IL5RA: variants seen among roughly 807,000 people sequenced by gnomAD.
IL5RA encodes the protein interleukin 5 receptor subunit alpha, also known as interleukin-5 receptor subunit alpha.
A neutral mutation model predicts 50.0 loss-of-function variants in IL5RA; 49 were observed. The observed-to-expected ratio is 0.98, with a 90% CI of 0.78 to 1.24. IL5RA has a LOEUF of 1.24. IL5RA is among the 50% of genes most tolerant of loss of function. The pLI, the probability that IL5RA is intolerant of heterozygous loss-of-function variation, is 0.00. For missense variants in IL5RA, 600 were observed against 500.4 expected (o/e 1.20, Z -1.90); for synonymous variants, 202 against 174.0 (o/e 1.16, Z -1.26).
In IL5RA at chr3:3,092,030, C is replaced by A; in HGVS notation, c.994+194G>T. Reference sequence around the variant, plus strand: ...AGGAGAGTTGGCGCTAATGAGAAGCCTAGACACTTAAAAACTTCACTGGCT... The same window carrying A: ...AGGAGAGTTGGCGCTAATGAGAAGCATAGACACTTAAAAACTTCACTGGCT... On this transcript the variant is annotated intron_variant, in intron 9 of 11. Coordinates refer to ENST00000446632, the MANE Select transcript of IL5RA (RefSeq NM_175726.4). The surrounding 1 kb of genome is among the most constrained non-coding windows in gnomAD (Gnocchi z 4.2). The A allele has an allele frequency of 7.4e-7, 1 of 1,356,214 alleles. No homozygotes were observed. Among genetic ancestry groups the A allele is most frequent in the Non-Finnish European group, 9.4e-7 (1 of 1,058,400 alleles). The allele number at this position is 1,356,214 out of a possible 1,614,324, so 84.0% of individuals were successfully genotyped here. A position where few individuals can be genotyped will look rare whatever the true frequency, so the allele number is the denominator to read the frequency against.
At chr3:3,073,717 T>C in intron 11 of IL5RA, 1 of 429,740 alleles carries the variant, frequency 2.3e-6, no homozygotes, top group East Asian at 7.2e-5. Context: ...GGATGTCACT[T>C]TTCCCCAAAT....
intron 5 of IL5RA, among the ~76,000 whole-genome samples, 180 bp from the exon 6 acceptor site, chr3:3,098,470 C>G (rs565208010): frequency 1.6e-4 from 24 of 152,066 alleles, no homozygotes; most frequent in Non-Finnish European, 3.1e-4. Flanking sequence ...TGCAGTGTTG[C>G]GATCTTGGCT....
rs1341606421 is a variant in IL5RA, at chr3:3,092,444, T to A, written c.856-82A>T. On this transcript the variant is annotated intron_variant, in intron 8 of 11. Transcript: ENST00000446632. This position sits in a 1 kb window ranked among gnomAD's most constrained non-coding sequence, Gnocchi z 4.2. The stretch of plus-strand genomic sequence containing the variant: ...GATTATCAGAATGGGAGGTCCTATA[T>A]AGGTCATGTGACTCACTGTTCAGCA... 1 of 1,304,208 alleles carries A rather than the reference T, an allele frequency of 7.7e-7. No individual in the cohort carries two copies. The allele number at this position is 1,304,208 out of a possible 1,614,324, so 80.8% of individuals were successfully genotyped here.
intron 9 of IL5RA, among the ~76,000 whole-genome samples, chr3:3,083,450 C>G (rs115306471): frequency 6.6e-6 from 1 of 152,088 alleles, no homozygotes; most frequent in Non-Finnish European, 1.5e-5. Flanking sequence ...TGTGTGCATG[C>G]GTGTATTTGT....
At chr3:3,103,958 G>T (rs1400584172) in intron 3 of IL5RA, among the ~76,000 whole-genome samples, 1 of 152,194 alleles carries the variant, frequency 6.6e-6, no homozygotes, top group Non-Finnish European at 1.5e-5. Context: ...TTTACCACAT[G>T]AGGACTTTTA....
intron 9 of IL5RA, among the ~76,000 whole-genome samples, chr3:3,091,602 T>A (rs185878437): frequency 6.6e-6 from 1 of 152,094 alleles, no homozygotes; most frequent in Non-Finnish European, 1.5e-5. Context: ...CGTGGTGGCA[T>A]GTGCCTGCAG....
At chr3:3,097,593 A>G (rs1185913928) in intron 7 of IL5RA, among the ~76,000 whole-genome samples, 2 of 152,232 alleles carry the variant, frequency 1.3e-5, no homozygotes, top group East Asian at 3.9e-4. Flanking sequence ...CAGCTCAAGG[A>G]CAGAGGGGCA....
Position 3,091,255 on chromosome 3 carries a change from G to A in IL5RA, c.994+969C>T, listed in dbSNP as rs191860677. On this transcript the variant is annotated intron_variant, in intron 9 of 11. Coordinates refer to ENST00000446632, the MANE Select transcript of IL5RA (RefSeq NM_175726.4). ...AGTCAAAATTAGGTATGGGAAAATC[G>A]AAGAGATGGAGAACAGACTACTCGT... Among the ~76,000 whole-genome samples the A allele has an allele frequency of 2.6e-5, 4 of 152,182 alleles. No homozygotes were observed. In the East Asian group the frequency reaches 5.8e-4, roughly 22 times the overall value.
At chr3:3,099,808 T>G (rs541282098) in intron 5 of IL5RA, among the ~76,000 whole-genome samples, 66 of 151,870 alleles carry the variant, frequency 4.3e-4, no homozygotes, top group Non-Finnish European at 7.1e-4. Flanking sequence ...TAACTGGGAT[T>G]ACAGGCACGT....
In IL5RA at chr3:3,066,504, T is replaced by C. The variant is rs1702141148; in HGVS notation, c.*3721A>G. 1 of 152,230 alleles carries C rather than the reference T, an allele frequency of 6.6e-6. No individual in the cohort carries two copies. Among genetic ancestry groups the C allele is most frequent in the South Asian group, 2.1e-4 (1 of 4,828 alleles). The allele number at this position is 152,230 out of a possible 1,614,324, so 9.4% of individuals were successfully genotyped here. A position where few individuals can be genotyped will look rare whatever the true frequency, so the allele number is the denominator to read the frequency against. The stretch of plus-strand genomic sequence containing the variant: ...AATTTGAAGGATGTAGAAGCAGGAA[T>C]AGCTACAGTCCTTAGGCTAGCACCA... On this transcript the variant is annotated 3_prime_UTR_variant, in exon 12 of 12. Transcript: ENST00000446632.
chr3:3,070,105 G>T lies in IL5RA; in HGVS notation c.*120C>A, dbSNP rs544928097. Reference sequence around the variant, plus strand: ...CTGGTGTGTCTGGGTGTATTGCTTCGCAGGTAAATTGAGTGTTGCCTAAAT... The same window carrying T: ...CTGGTGTGTCTGGGTGTATTGCTTCTCAGGTAAATTGAGTGTTGCCTAAAT... On this transcript the variant is annotated 3_prime_UTR_variant, in exon 12 of 12. Transcript: ENST00000446632. The T allele has an allele frequency of 1.5e-6, 1 of 681,050 alleles. No individual in the cohort carries two copies. Among genetic ancestry groups the T allele is most frequent in the Non-Finnish European group, 2.6e-6 (1 of 380,330 alleles). 42.2% of individuals were successfully genotyped at this position (681,050 alleles called of 1,614,324 possible). A position where few individuals can be genotyped will look rare whatever the true frequency, so the allele number is the denominator to read the frequency against.
intron 11 of IL5RA, among the ~76,000 whole-genome samples, chr3:3,070,575 C>CTTTTTTTTTTTT (rs71058670): frequency 1.2e-5 from 1 of 84,902 alleles, no homozygotes; most frequent in African/African-American, 5.4e-5. Flanking sequence ...GGATACACAT[C>CTTTTTTTTTTTT]TTTTTTTTTT....
At chr3:3,100,151 C>G (rs1370871433) in intron 5 of IL5RA, among the ~76,000 whole-genome samples, 1 of 146,864 alleles carries the variant, frequency 6.8e-6, no homozygotes, top group Non-Finnish European at 1.5e-5. Flanking sequence ...GCTCTTGCAC[C>G]TGGGCCAGGA....
At chr3:3,078,761 G>A (rs566125541) in intron 9 of IL5RA, among the ~76,000 whole-genome samples, 4 of 151,896 alleles carry the variant, frequency 2.6e-5, no homozygotes, top group African/African-American at 9.7e-5. Flanking sequence ...TTGAACCTGG[G>A]AAGTGGAGGT....
chr3:3,109,458 T>A (rs1446414243), intron 1 of IL5RA, among the ~76,000 whole-genome samples: 1 of 152,226 alleles, frequency 6.6e-6, no homozygotes, highest in Admixed American at 6.5e-5. Flanking sequence ...TGGAAGCTCA[T>A]TTATTTTCTA....
intron 1 of IL5RA, among the ~76,000 whole-genome samples, chr3:3,109,184 A>T (rs780180917): frequency 7.2e-5 from 11 of 152,006 alleles, no homozygotes; most frequent in South Asian, 4.2e-4. Flanking sequence ...TTCTGTCTAC[A>T]TGGAAATATG....
Position 3,092,354 on chromosome 3 carries a change from T to C in IL5RA, c.864A>G (p.Lys288=), listed in dbSNP as rs751865629. ...TTGAGATGAATGCATTGGTCATCAA[T>C]TTTTCTATCTAAGTGGGGAAAGATA... ...NTRNGYLQIE[K]LMTNAFISII... is the part of the protein sequence containing the mutation. Residue 288 remains lysine (K), a synonymous_variant, in exon 9 of 12, where the codon AAA becomes AAG. Transcript: ENST00000446632. This position sits in a 1 kb window ranked among gnomAD's most constrained non-coding sequence, Gnocchi z 4.2. 23 of 1,613,048 alleles carry C rather than the reference T, an allele frequency of 1.4e-5. No individual in the cohort carries two copies. The highest frequency in any genetic ancestry group is 1.9e-5 in the Non-Finnish European group (22 of 1,179,806).
At chr3:3,102,608 A>G (rs974385902) in intron 4 of IL5RA, 67 bp downstream of exon 4, 1 of 1,128,748 alleles carries the variant, frequency 8.9e-7, no homozygotes, top group Non-Finnish European at 1.3e-6. Context: ...ATTTTATTTG[A>G]TAAAGAAAAT....
At chr3:3,096,402 G>A (rs930730459) in intron 7 of IL5RA, among the ~76,000 whole-genome samples, 55 of 152,130 alleles carry the variant, frequency 3.6e-4, no homozygotes, top group African/African-American at 1.3e-3. Flanking sequence ...GTGAGGTGAG[G>A]GGAAATGAAT....
Sources: gnomAD v4.1 joint callset for allele counts (sites outside exome capture counted in the v4.1 genomes callset) on GRCh38, gnomAD v4.1.1 for gene constraint, Gnocchi (gnomAD v3.1) non-coding constraint, MANE v1.5 for transcripts, NCBI Gene and HGNC (gene_info 2026-07-23, HGNC 2026-07-21) for gene names.